TCF7L1: variants seen among roughly 807,000 people sequenced by gnomAD.
TCF7L1 encodes the protein transcription factor 7 like 1.
TCF7L1 carries 18 observed loss-of-function variants against 63.7 expected under a neutral mutation model. The ratio of observed to expected loss-of-function variants is 0.28; its 90% CI spans 0.20 to 0.42. The LOEUF is 0.42. TCF7L1 is among the 10% of genes least tolerant of loss of function. TCF7L1 has a pLI of 1.00. For synonymous variants in TCF7L1, 355 were observed against 340.9 expected (o/e 1.04, Z -0.46); for missense variants, 654 against 779.3 (o/e 0.84, Z 1.91).
intron 3 of TCF7L1, among the ~76,000 whole-genome samples, chr2:85,225,462 G>A (rs1679935988): frequency 6.6e-6 from 1 of 152,160 alleles, no homozygotes; most frequent in Non-Finnish European, 1.5e-5. Context: ...TTGAGCAGTG[G>A]TTTGTAGTTC....
intron 3 of TCF7L1, among the ~76,000 whole-genome samples, chr2:85,211,635 T>C (rs1325120059): frequency 6.6e-6 from 1 of 152,140 alleles, no homozygotes; most frequent in Non-Finnish European, 1.5e-5. Context: ...ACCACAGACA[T>C]AGAAATCATA....
intron 5 of TCF7L1, 29 bp from the exon 6 acceptor site, chr2:85,303,866 C>A: frequency 6.5e-7 from 1 of 1,536,528 alleles, no homozygotes. Context: ...GGCGAGGGAA[C>A]AGTCTGACAT....
intron 3 of TCF7L1, among the ~76,000 whole-genome samples, chr2:85,224,848 T>C (rs1389520107): frequency 6.6e-6 from 1 of 152,160 alleles, no homozygotes; most frequent in Non-Finnish European, 1.5e-5. Context: ...TCATGAAGTC[T>C]TTGCCCATGC....
intron 4 of TCF7L1, among the ~76,000 whole-genome samples, chr2:85,295,841 G>A (rs1039927039): frequency 1.5e-5 from 2 of 130,954 alleles, no homozygotes; most frequent in Admixed American, 9.4e-5. Flanking sequence ...GCAGCGGCAC[G>A]ATCTCGGCTC....
intron 3 of TCF7L1, among the ~76,000 whole-genome samples, chr2:85,209,443 T>C (rs1468262061): frequency 6.6e-6 from 1 of 152,244 alleles, no homozygotes; most frequent in Non-Finnish European, 1.5e-5. Context: ...GGAATCCTGC[T>C]GCTTTTCCTG....
intron 3 of TCF7L1, among the ~76,000 whole-genome samples, chr2:85,175,524 G>A (rs1249774476): frequency 6.6e-6 from 1 of 152,254 alleles, no homozygotes; most frequent in East Asian, 1.9e-4. Flanking sequence ...CCAGGATGGG[G>A]GGTGGGTGCA....
At chr2:85,296,478 CAT>C (rs1438508235) in intron 4 of TCF7L1, among the ~76,000 whole-genome samples, 1 of 152,178 alleles carries the variant, frequency 6.6e-6, no homozygotes, top group Admixed American at 6.5e-5. Context: ...GTGATGTTAG[CAT>C]CAACTGTTTG....
chr2:85,298,629 G>A (rs954521190), intron 4 of TCF7L1, among the ~76,000 whole-genome samples: 4 of 152,134 alleles, frequency 2.6e-5, no homozygotes, highest in Admixed American at 6.5e-5. Context: ...GGCTTGCAGC[G>A]CTTGCCTGAA....
intron 3 of TCF7L1, among the ~76,000 whole-genome samples, chr2:85,165,432 G>C (rs1678394809): frequency 6.6e-6 from 1 of 152,196 alleles, no homozygotes; most frequent in African/African-American, 2.4e-5. Context: ...CCTGTCCCTG[G>C]CCAGTCAGTC....
Position 85,161,062 on chromosome 2 carries a change from C to T in TCF7L1, c.441+26612C>T, listed in dbSNP as rs114793931. Among the ~76,000 whole-genome samples, 313 of 152,276 alleles carry T rather than the reference C, an allele frequency of 2.1e-3. 1 individual carries two copies. Among genetic ancestry groups the T allele is most frequent in the African/African-American group, 7.1e-3 (294 of 41,550 alleles). On this transcript the variant is annotated intron_variant, in intron 3 of 11. Coordinates refer to ENST00000282111, the MANE Select transcript of TCF7L1 (RefSeq NM_031283.3). ...CGACTTCTGGGAATACACCAGCATCCGTAGAGCTAAGGATTTACCGTATGC... is the reference window on the plus strand; with the variant it reads ...CGACTTCTGGGAATACACCAGCATCTGTAGAGCTAAGGATTTACCGTATGC...
rs774616069 is a variant in TCF7L1, at chr2:85,302,466, C to CT, written c.526-12dup. 8 of 1,613,986 alleles carry CT rather than the reference C, an allele frequency of 5.0e-6. No homozygotes were observed. The highest frequency in any genetic ancestry group is 3.3e-5 in the Admixed American group (2 of 59,996). ...CATCTCCTTGGCAACCATTCCTGGT[C>CT]TTTTTTGTCTCTTTCAGTCTAATAA... On this transcript the variant is annotated splice_polypyrimidine_tract_variant and intron_variant, in intron 4 of 11. Transcript: ENST00000282111.
At chr2:85,244,465 AAGG>A (rs1680413681) in intron 3 of TCF7L1, among the ~76,000 whole-genome samples, 1 of 152,126 alleles carries the variant, frequency 6.6e-6, no homozygotes, top group South Asian at 2.1e-4. Context: ...ACCCATTTTG[AAGG>A]AGGAGTGACA....
At chr2:85,209,149 C>A (rs1369407325) in intron 3 of TCF7L1, among the ~76,000 whole-genome samples, 2 of 119,572 alleles carry the variant, frequency 1.7e-5, no homozygotes, top group Non-Finnish European at 3.6e-5. Flanking sequence ...GCCCTTAGAA[C>A]CAGCTGGCCT....
chr2:85,269,184 G>GC (rs1324313505), intron 3 of TCF7L1, among the ~76,000 whole-genome samples: 2 of 152,178 alleles, frequency 1.3e-5, no homozygotes, highest in East Asian at 3.8e-4. Context: ...ACTGGCAGTA[G>GC]CCCCTGGATG....
At chr2:85,169,760 A>G (rs1164415069) in intron 3 of TCF7L1, among the ~76,000 whole-genome samples, 1 of 152,270 alleles carries the variant, frequency 6.6e-6, no homozygotes, top group East Asian at 1.9e-4. Context: ...TGACAGTACA[A>G]CCAGCTCCCA....
intron 3 of TCF7L1, among the ~76,000 whole-genome samples, chr2:85,178,021 CAG>C (rs1678717990): frequency 6.6e-6 from 1 of 152,052 alleles, no homozygotes; most frequent in Admixed American, 6.5e-5. Flanking sequence ...GTGATACTGA[CAG>C]AGAGCAAGCA....
intron 3 of TCF7L1, among the ~76,000 whole-genome samples, chr2:85,161,632 C>G (rs912289132): frequency 6.6e-6 from 1 of 152,200 alleles, no homozygotes; most frequent in African/African-American, 2.4e-5. Context: ...ACACGTGAAG[C>G]TCAAGGAGCA....
intron 3 of TCF7L1, among the ~76,000 whole-genome samples, chr2:85,149,760 A>G (rs1056774316): frequency 7.2e-5 from 11 of 152,052 alleles, no homozygotes; most frequent in African/African-American, 2.4e-4. Flanking sequence ...CCTGACCTCA[A>G]GTGATCTGCC....
chr2:85,283,325 C>T (rs1176860799), intron 3 of TCF7L1, among the ~76,000 whole-genome samples, 170 bp from the exon 4 acceptor site: 4 of 147,790 alleles, frequency 2.7e-5, no homozygotes, highest in Non-Finnish European at 5.9e-5. Flanking sequence ...AATATATGCT[C>T]GCTCCTGTTA....
Sources: gnomAD v4.1 joint callset for allele counts (sites outside exome capture counted in the v4.1 genomes callset) on GRCh38, gnomAD v4.1.1 for gene constraint, MANE v1.5 for transcripts, NCBI Gene and HGNC (gene_info 2026-07-23, HGNC 2026-07-21) for gene names.